SORCS2: variants seen among roughly 807,000 people sequenced by gnomAD.
SORCS2 encodes VPS10 domain-containing receptor SorCS2.
SORCS2 carries 100 observed loss-of-function variants against 141.6 expected under a neutral mutation model. The observed-to-expected ratio is 0.71, with a 90% confidence interval of 0.60 to 0.83. The LOEUF (loss-of-function observed/expected upper bound fraction) is 0.83, where lower values mean the gene tolerates loss of function less well. Among genes scored for constraint, SORCS2 ranks in the 40% least tolerant of loss-of-function variants. The pLI is 0.00. For synonymous variants in SORCS2, 789 were observed against 676.9 expected, an observed-to-expected ratio of 1.17 and a Z score of -2.57; for missense variants, 1,646 against 1,560.2, an observed-to-expected ratio of 1.05 and a Z score of -0.93.
At chr4:7,197,207 GGCACC>G in intron 1 of SORCS2, among the ~76,000 whole-genome samples, 1 of 152,086 alleles carries the variant, frequency 6.6e-6, no homozygotes, top group Non-Finnish European at 1.5e-5. Context: ...TTCTTGTAAG[GGCACC>G]AGTCATATTG....
In SORCS2 at chr4:7,723,752, T is replaced by C. The variant is rs768621902; in HGVS notation, c.2480T>C (p.Met827Thr). The C allele has an allele frequency of 2.5e-6, 4 of 1,613,872 alleles. No homozygotes were observed. Among genetic ancestry groups the C allele is most frequent in the Admixed American group, 1.7e-5 (1 of 60,002 alleles). Residue 827 changes from methionine to threonine, a missense_variant, in exon 19 of 27, where the codon ATG becomes ACG. By Grantham distance (81) the Met-to-Thr change is moderately conservative. Coordinates refer to ENST00000507866, the MANE Select transcript of SORCS2 (RefSeq NM_020777.3). Reference protein sequence around the residue: ...QVDLGDGFKAMYVNLTLTGEP... With the variant: ...QVDLGDGFKATYVNLTLTGEP... ...GACCTTGGGGACGGCTTCAAGGCCA[T>C]GTACGTGAACCTTACACTGACCGGG... is the stretch of plus-strand genomic sequence containing the variant.
At chr4:7,622,554 G>T (rs1009715355) in intron 3 of SORCS2, among the ~76,000 whole-genome samples, 1 of 152,146 alleles carries the variant, frequency 6.6e-6, no homozygotes, top group African/African-American at 2.4e-5. Flanking sequence ...GGAGTCCCAG[G>T]CAGGGGCTGG....
chr4:7,222,058 C>T (rs1728733386), intron 1 of SORCS2, among the ~76,000 whole-genome samples: 1 of 152,052 alleles, frequency 6.6e-6, no homozygotes, highest in African/African-American at 2.4e-5. Flanking sequence ...GGCTTTGGAG[C>T]CCACCAGACA....
intron 2 of SORCS2, among the ~76,000 whole-genome samples, chr4:7,486,136 G>A (rs985619377): frequency 2.0e-5 from 3 of 152,132 alleles, no homozygotes; most frequent in South Asian, 4.1e-4. Flanking sequence ...CCTCGTGCGC[G>A]TGACAGGGAC....
At chr4:7,265,724 A>C (rs1005285403) in intron 1 of SORCS2, among the ~76,000 whole-genome samples, 5 of 152,164 alleles carry the variant, frequency 3.3e-5, no homozygotes, top group African/African-American at 4.8e-5. Flanking sequence ...GTGTGAGCTC[A>C]TCTGGAGATC....
At chr4:7,220,173 C>T (rs188149540) in intron 1 of SORCS2, among the ~76,000 whole-genome samples, 4 of 152,036 alleles carry the variant, frequency 2.6e-5, no homozygotes, top group African/African-American at 9.6e-5. Context: ...CTCTGATGTG[C>T]GAGGCGGCCC....
In SORCS2 at chr4:7,201,911, G is replaced by C. The variant is rs760501091; in HGVS notation, c.480+8785G>C. ...GATCCCTGGCTCTGGCCACCGGGAG[G>C]GCAAGGTCTCCGTCTGTAGCTTTGG... On this transcript the variant is annotated intron_variant, in intron 1 of 26. Coordinates refer to ENST00000507866, the MANE Select transcript of SORCS2 (RefSeq NM_020777.3). This position sits in a 1 kb window ranked among gnomAD's most constrained non-coding sequence, Gnocchi z 4.4. 1.1e-4 allele frequency among the ~76,000 whole-genome samples: 17 copies of C among 152,254 alleles called. No homozygotes were observed. The highest frequency in any genetic ancestry group is 2.1e-4 in the Non-Finnish European group (14 of 68,022).
At chr4:7,697,495 C>T (rs1724788543) in intron 12 of SORCS2, among the ~76,000 whole-genome samples, 1 of 152,220 alleles carries the variant, frequency 6.6e-6, no homozygotes, top group African/African-American at 2.4e-5. Context: ...GCTCGGACCA[C>T]CCAGCTGCTC....
intron 14 of SORCS2, among the ~76,000 whole-genome samples, chr4:7,709,107 C>CA (rs1207058692): frequency 2.6e-5 from 4 of 152,202 alleles, no homozygotes; most frequent in Non-Finnish European, 4.4e-5. Flanking sequence ...GGAGTCCCGC[C>CA]ACCAGGCACT....
intron 1 of SORCS2, among the ~76,000 whole-genome samples, chr4:7,265,555 C>T (rs1714669483): frequency 6.6e-6 from 1 of 152,146 alleles, no homozygotes. Flanking sequence ...GGGGTGGCTC[C>T]TGCCTCTCCC....
At chr4:7,235,641 T>C (rs1712213210) in intron 1 of SORCS2, among the ~76,000 whole-genome samples, 1 of 152,198 alleles carries the variant, frequency 6.6e-6, no homozygotes, top group Non-Finnish European at 1.5e-5. Flanking sequence ...TAGAGCGCCC[T>C]GTGTACTTGG....
intron 1 of SORCS2, among the ~76,000 whole-genome samples, chr4:7,283,967 A>T (rs1395233095): frequency 6.6e-6 from 1 of 152,090 alleles, no homozygotes; most frequent in African/African-American, 2.4e-5. Flanking sequence ...AGTTTGTAGG[A>T]TCCTTCACTG....
At chr4:7,591,922 G>A (rs1359630527) in intron 3 of SORCS2, among the ~76,000 whole-genome samples, 1 of 152,088 alleles carries the variant, frequency 6.6e-6, no homozygotes, top group Non-Finnish European at 1.5e-5. Flanking sequence ...ATGGGATATT[G>A]GGGACCTCCT....
At chr4:7,730,453 A>G (rs1208584864) in intron 23 of SORCS2, among the ~76,000 whole-genome samples, 1 of 152,216 alleles carries the variant, frequency 6.6e-6, no homozygotes, top group Non-Finnish European at 1.5e-5. Context: ...TCCACAGTAC[A>G]TGGATTCACA....
At chr4:7,517,952 G>A (rs1052308714) in intron 2 of SORCS2, among the ~76,000 whole-genome samples, 4 of 152,314 alleles carry the variant, frequency 2.6e-5, no homozygotes, top group Middle Eastern at 3.4e-3. Flanking sequence ...TGCCACACAC[G>A]CTGGACGGAA....
At chr4:7,270,256 C>T (rs375732928) in intron 1 of SORCS2, among the ~76,000 whole-genome samples, 3 of 152,236 alleles carry the variant, frequency 2.0e-5, no homozygotes, top group African/African-American at 2.4e-5. Flanking sequence ...GCAGAGCAGG[C>T]GGCACCAGGA....
At chr4:7,612,089 G>A (rs1455138619) in intron 3 of SORCS2, among the ~76,000 whole-genome samples, 1 of 152,236 alleles carries the variant, frequency 6.6e-6, no homozygotes, top group African/African-American at 2.4e-5. Context: ...TGTGGGAGGA[G>A]TCATGGGGCC....
chr4:7,561,202 T>C (rs1714519199), intron 3 of SORCS2, among the ~76,000 whole-genome samples: 1 of 152,134 alleles, frequency 6.6e-6, no homozygotes, highest in Non-Finnish European at 1.5e-5. Flanking sequence ...TCAAACCCAC[T>C]CAGTTTTTAA....
At chr4:7,489,149 T>C (rs10805000) in intron 2 of SORCS2, among the ~76,000 whole-genome samples, 147,731 of 152,250 alleles carry the variant, frequency 0.97, 71,791 homozygotes, top group Non-Finnish European at 1. Context: ...CGTGCAACGC[T>C]GGAGCCAAAA....
Sources: gnomAD v4.1 joint callset for allele counts (sites outside exome capture counted in the v4.1 genomes callset) on GRCh38, gnomAD v4.1.1 for gene constraint, Gnocchi (gnomAD v3.1) non-coding constraint, MANE v1.5 for transcripts, NCBI Gene and HGNC (gene_info 2026-07-23, HGNC 2026-07-21) for gene names.